The following KRT23 variants were observed in gnomAD, a reference collection of about 807,000 sequenced individuals.
KRT23 encodes keratin 23.
Under a neutral mutation model 47.6 loss-of-function variants are expected in KRT23, and 38 were observed. That is an observed-to-expected ratio of 0.80 (90% CI 0.62 to 1.05). The LOEUF (loss-of-function observed/expected upper bound fraction) is 1.05. Ranked by LOEUF, KRT23 falls within the 50% of genes least tolerant of loss-of-function variation. The probability of loss-of-function intolerance (pLI) is 0.00; values close to 1 mark genes in which losing one functional copy is unlikely to be tolerated. For missense variants in KRT23, 503 were observed against 529.5 expected, an observed-to-expected ratio of 0.95 and a Z score of 0.49; for synonymous variants, 191 against 199.0, an observed-to-expected ratio of 0.96 and a Z score of 0.34.
Position 40,924,433 on chromosome 17 carries a change from T to C in KRT23, c.1174+39A>G. ...CAAAATGGATAACCATGCTAATTCC[T>C]TAAAAACAGAGATTCAAACAATGAA... is the stretch of plus-strand genomic sequence containing the variant. On this transcript the variant is annotated intron_variant, in intron 8 of 8. Coordinates refer to ENST00000209718, the MANE Select transcript of KRT23 (RefSeq NM_015515.5). The C allele has an allele frequency of 2.6e-6, 4 of 1,555,526 alleles. No homozygotes were observed. In the South Asian group the frequency reaches 3.3e-5, roughly 13 times the overall value.
rs1273157866 is a variant in KRT23, at chr17:40,925,483, T to C, written c.1013A>G (p.Glu338Gly). ...DMQEIISHYE[E>G]ELTQLRHELE... ...TTCATGGCGTAGCTGCGTCAGTTCC[T>C]CCTCATAGTGGGAGATGATCTCTTG... The change falls in exon 7 of 9, where the codon GAG (glutamate) becomes GGG (glycine). Residue 338 changes from glutamate (E) to glycine (G), a missense_variant. Glu to Gly is a moderately conservative substitution (Grantham distance 98). Transcript: ENST00000209718. 3.7e-6 allele frequency: 6 copies of C among 1,614,186 alleles called. No individual in the cohort carries two copies.
At chr17:40,930,238 G>T in intron 3 of KRT23, 142 bp from the exon 4 acceptor site, 1 of 675,104 alleles carries the variant, frequency 1.5e-6, no homozygotes, top group Non-Finnish European at 2.4e-6. Flanking sequence ...TCTTTTTTAT[G>T]CCAGTTTCAT....
intron 2 of KRT23, among the ~76,000 whole-genome samples, chr17:40,934,321 A>G (rs1287043681): frequency 6.6e-6 from 1 of 152,176 alleles, no homozygotes; most frequent in Non-Finnish European, 1.5e-5. Context: ...GTTAGAGGTA[A>G]AAATCCAGAA....
intron 4 of KRT23, among the ~76,000 whole-genome samples, chr17:40,929,502 A>G (rs1567798011): frequency 6.6e-6 from 1 of 152,192 alleles, no homozygotes; most frequent in African/African-American, 2.4e-5. Flanking sequence ...GTAACTCTAA[A>G]AGTCAGTTAA....
chr17:40,929,895 G>A, intron 4 of KRT23, 45 bp downstream of exon 4: 16 of 1,588,922 alleles, frequency 1.0e-5, no homozygotes, highest in Non-Finnish European at 1.4e-5. Flanking sequence ...GAGATGTGCA[G>A]GCTAAGAGCT....
chr17:40,923,390 T>A (rs1909045881), intron 8 of KRT23, among the ~76,000 whole-genome samples: 1 of 152,234 alleles, frequency 6.6e-6, no homozygotes. Flanking sequence ...TCTCTGCCTG[T>A]GGGCTTTGTA....
intron 2 of KRT23, among the ~76,000 whole-genome samples, chr17:40,932,089 T>C (rs1909732465): frequency 6.6e-6 from 1 of 152,172 alleles, no homozygotes; most frequent in Non-Finnish European, 1.5e-5. Context: ...ATTTTTTTTT[T>C]GCCCGAAGTG....
rs764539271 is a variant in KRT23 at position 40,928,238 on chromosome 17, C to G, written c.921G>C (p.Thr307=). The G allele has an allele frequency of 6.2e-7, 1 of 1,613,804 alleles. No homozygotes were observed. Among genetic ancestry groups the G allele is most frequent in the Non-Finnish European group, 8.5e-7 (1 of 1,179,898 alleles). ...CACGGTTTTCCTAGCCTTGACTCAC[C>G]GTGCTGTACTGTGTCTGCAGGTCAA... ...LEIDLQTQYS[T]KSALENMLSE... The change falls in exon 6 of 9, where the codon ACG becomes ACC. Residue 307 remains threonine, a splice_region_variant and synonymous_variant. Transcript: ENST00000209718.
intron 2 of KRT23, among the ~76,000 whole-genome samples, chr17:40,933,043 A>C (rs952389067): frequency 2.0e-5 from 3 of 152,256 alleles, no homozygotes; most frequent in African/African-American, 7.2e-5. Flanking sequence ...TATTATCGGC[A>C]TATTATAGAC....
intron 6 of KRT23, among the ~76,000 whole-genome samples, chr17:40,926,302 C>T (rs1909219535): frequency 6.6e-6 from 1 of 152,188 alleles, no homozygotes; most frequent in Admixed American, 6.5e-5. Context: ...GCTGGATACT[C>T]TCCCTTTATC....
chr17:40,935,028 G>T (rs1376620813), intron 2 of KRT23, among the ~76,000 whole-genome samples: 1 of 150,436 alleles, frequency 6.6e-6, no homozygotes, highest in Non-Finnish European at 1.5e-5. Context: ...CTCTCCATTT[G>T]CAAAAATCTT....
At chr17:40,924,539 AT>A in intron 7 of KRT23, 36 bp from the exon 8 acceptor site, 1 of 1,555,336 alleles carries the variant, frequency 6.4e-7, no homozygotes. Flanking sequence ...TCACTTTAGT[AT>A]TAGCAACAAT....
intron 3 of KRT23, among the ~76,000 whole-genome samples, 194 bp downstream of exon 3, chr17:40,931,179 T>G (rs1909645888): frequency 6.6e-6 from 1 of 151,970 alleles, no homozygotes; most frequent in African/African-American, 2.4e-5. Flanking sequence ...GCCCAGCTAA[T>G]TTTTGTATTT....
At position 40,925,398 on chromosome 17, in the gene KRT23, C is replaced by T; in HGVS notation, c.1098G>A (p.Lys366=). 6.2e-7 allele frequency: 1 copy of T among 1,613,968 alleles called. No homozygotes were observed. The highest frequency in any genetic ancestry group is 8.5e-7 in the Non-Finnish European group (1 of 1,180,024). The part of the protein sequence containing the change: ...VLLGIKTHLE[K]EITTYRRLLE... ...GGAGCCGTCGGTACGTGGTGATTTC[C>T]TTCTCCAGGTGGGTTTTGATGCCCA... Residue 366 remains lysine, a synonymous_variant, in exon 7 of 9, where the codon AAG becomes AAA. Transcript: ENST00000209718.
chr17:40,929,882 C>G (rs748958178), intron 4 of KRT23, 58 bp downstream of exon 4: 1 of 1,532,280 alleles, frequency 6.5e-7, no homozygotes, highest in South Asian at 1.2e-5. Flanking sequence ...GTCGAATCAG[C>G]CTGAGATGTG....
In KRT23 at chr17:40,923,083, A is replaced by T. The variant is rs781675485; in HGVS notation, c.1175T>A (p.Val392Glu). The change falls in exon 9 of 9, where the codon GTG (valine) becomes GAG (glutamate). Residue 392 changes from valine to glutamate, a missense_variant and splice_region_variant. Coordinates refer to ENST00000209718, the MANE Select transcript of KRT23 (RefSeq NM_015515.5). The stretch of plus-strand genomic sequence containing the variant: ...GGCCTTGATCTTTGGAGTTGCAGAC[A>T]CTGAGAAAAAGAGCATGGAAGATGT... Reference protein sequence around the residue: ...TREESKSSMKVSATPKIKAIT... With the variant: ...TREESKSSMKESATPKIKAIT... 2 of 1,608,424 alleles carry T rather than the reference A, an allele frequency of 1.2e-6. No homozygotes were observed. Among genetic ancestry groups the T allele is most frequent in the Non-Finnish European group, 1.7e-6 (2 of 1,174,910 alleles).
intron 2 of KRT23, 98 bp from the exon 3 acceptor site, chr17:40,931,553 T>G: frequency 1.2e-6 from 1 of 848,888 alleles, no homozygotes; most frequent in East Asian, 2.6e-5. Context: ...AATATTTGAC[T>G]TGTTAGTACA....
At position 40,928,249 on chromosome 17, in the gene KRT23, G is replaced by T; in HGVS notation, c.910C>A (p.Gln304Lys). ...TAGCCTTGACTCACCGTGCTGTACT[G>T]TGTCTGCAGGTCAATCTCCAGGGCC... ...FQALEIDLQT[Q>K]YSTKSALENM... is the part of the protein sequence containing the mutation. The change falls in exon 6 of 9, where the codon CAG becomes AAG. Residue 304 changes from glutamine to lysine, a missense_variant. Coordinates refer to ENST00000209718, the MANE Select transcript of KRT23 (RefSeq NM_015515.5). 6.2e-7 allele frequency: 1 copy of T among 1,614,156 alleles called. No individual in the cohort carries two copies.
intron 3 of KRT23, among the ~76,000 whole-genome samples, chr17:40,930,354 A>G (rs939511942): frequency 6.6e-6 from 1 of 152,200 alleles, no homozygotes; most frequent in Non-Finnish European, 1.5e-5. Context: ...GCAACCATGA[A>G]TGTTTTGCCA....
Sources: gnomAD v4.1 joint callset for allele counts (sites outside exome capture counted in the v4.1 genomes callset) on GRCh38, gnomAD v4.1.1 for gene constraint, MANE v1.5 for transcripts, NCBI Gene and HGNC (gene_info 2026-07-23, HGNC 2026-07-21) for gene names.